Variants in CNTN1 observed in about 807,000 individuals in gnomAD.
The protein encoded by CNTN1 is contactin 1.
CNTN1 carries 38 observed loss-of-function variants against 126.4 expected under a neutral mutation model. That is an observed-to-expected ratio of 0.30 (90% confidence interval 0.23 to 0.39). The LOEUF is 0.39. Among genes scored for constraint, CNTN1 ranks in the 10% least tolerant of loss-of-function variants. The probability of loss-of-function intolerance (pLI) is 1.00; values close to 1 mark genes in which losing one functional copy is unlikely to be tolerated. For missense variants in CNTN1, 1,009 were observed against 1,248.4 expected (o/e 0.81, Z 2.89); for synonymous variants, 413 against 422.6 (o/e 0.98, Z 0.28).
intron 1 of CNTN1, among the ~76,000 whole-genome samples, chr12:40,726,305 G>C (rs1468895418): frequency 5.3e-5 from 8 of 152,146 alleles, no homozygotes. Context: ...GGATGTATTA[G>C]TTCATTCTCA....
intron 1 of CNTN1, among the ~76,000 whole-genome samples, chr12:40,807,585 TAGA>T (rs988704508): frequency 3.5e-4 from 53 of 152,182 alleles, no homozygotes; most frequent in Non-Finnish European, 1.0e-4. Flanking sequence ...GTAGAGTGAT[TAGA>T]AGATCTTAGT....
At position 40,929,905 on chromosome 12, in the gene CNTN1, G is replaced by T; in HGVS notation, c.606G>T (p.Glu202Asp). The change falls in exon 7 of 24, where the codon GAG becomes GAT. Residue 202 changes from glutamate (E) to aspartate (D), a missense_variant. Transcript: ENST00000551295. Reference protein sequence around the residue: ...TNGNLYIANVEASDKGNYSCF... With the variant: ...TNGNLYIANVDASDKGNYSCF... ...GCAATCTCTACATTGCAAATGTTGA[G>T]GCTTCCGACAAAGGCAATTATTCCT... The T allele has an allele frequency of 2.5e-6, 4 of 1,612,972 alleles. No homozygotes were observed. The highest frequency in any genetic ancestry group is 3.4e-6 in the Non-Finnish European group (4 of 1,179,178).
chr12:40,725,429 G>GAAAAA (rs60290681), intron 1 of CNTN1, among the ~76,000 whole-genome samples: 1 of 128,386 alleles, frequency 7.8e-6, no homozygotes, highest in African/African-American at 2.9e-5. Context: ...AAAAAGGAAA[G>GAAAAA]AAAAAAAAAG....
chr12:40,877,446 C>T (rs536632819), intron 1 of CNTN1, among the ~76,000 whole-genome samples: 7 of 152,202 alleles, frequency 4.6e-5, no homozygotes, highest in Admixed American at 2.0e-4. Context: ...TTCATATAAC[C>T]CAGTTTTCTG....
At chr12:41,018,708 G>C (rs1403708775) in intron 19 of CNTN1, among the ~76,000 whole-genome samples, 2 of 151,466 alleles carry the variant, frequency 1.3e-5, no homozygotes, top group Non-Finnish European at 2.9e-5. Flanking sequence ...GTGTGTGTGT[G>C]TGTGTATGTG....
chr12:40,953,093 C>G (rs1311557386), intron 14 of CNTN1, among the ~76,000 whole-genome samples: 1 of 152,000 alleles, frequency 6.6e-6, no homozygotes, highest in Non-Finnish European at 1.5e-5. Context: ...ATTTACATTG[C>G]AGAAATGATT....
intron 18 of CNTN1, among the ~76,000 whole-genome samples, chr12:41,014,621 C>T (rs1309999476): frequency 2.0e-5 from 3 of 152,246 alleles, no homozygotes; most frequent in South Asian, 4.1e-4. Flanking sequence ...TGTCTCTGGA[C>T]ATTCTAAATT....
chr12:40,744,984 GCAATGTATAATCTGCTTCATT>G (rs1938121146), intron 1 of CNTN1, among the ~76,000 whole-genome samples: 1 of 152,058 alleles, frequency 6.6e-6, no homozygotes, highest in African/African-American at 2.4e-5. Context: ...TTGGACTGTA[GCAATGTATAATCTGCTTCATT>G]CACTTAATAT....
chr12:40,696,593 A>G (rs1478303543), intron 1 of CNTN1, among the ~76,000 whole-genome samples: 1 of 152,180 alleles, frequency 6.6e-6, no homozygotes, highest in Non-Finnish European at 1.5e-5. Context: ...AAAAGCACTG[A>G]TTTTGGAGCA....
intron 1 of CNTN1, among the ~76,000 whole-genome samples, chr12:40,837,626 G>A (rs1942110912): frequency 6.6e-6 from 1 of 152,196 alleles, no homozygotes; most frequent in Admixed American, 6.5e-5. Context: ...CAGGCTTTCT[G>A]TTGTCCTGGG....
intron 9 of CNTN1, among the ~76,000 whole-genome samples, chr12:40,935,588 TTG>T (rs1467853318): frequency 6.6e-6 from 1 of 152,132 alleles, no homozygotes; most frequent in East Asian, 1.9e-4. Context: ...AATGTCTGTG[TTG>T]TCTTTGTGAG....
chr12:41,033,593 A>T (rs1949192014), intron 23 of CNTN1, among the ~76,000 whole-genome samples: 1 of 152,188 alleles, frequency 6.6e-6, no homozygotes, highest in Admixed American at 6.5e-5. Flanking sequence ...ACGGAAAAGA[A>T]GTAGTCATTT....
At chr12:40,821,361 G>C (rs368155568) in intron 1 of CNTN1, among the ~76,000 whole-genome samples, 25 of 152,250 alleles carry the variant, frequency 1.6e-4, no homozygotes, top group African/African-American at 5.8e-4. Flanking sequence ...TCCTCCAGGA[G>C]CATTTAGTCA....
At chr12:40,723,674 A>T (rs1233956464) in intron 1 of CNTN1, among the ~76,000 whole-genome samples, 1 of 152,158 alleles carries the variant, frequency 6.6e-6, no homozygotes, top group Non-Finnish European at 1.5e-5. Context: ...CCCTATTAGG[A>T]TTGTACCACA....
At chr12:40,891,347 C>T (rs1465445274) in intron 1 of CNTN1, among the ~76,000 whole-genome samples, 1 of 152,068 alleles carries the variant, frequency 6.6e-6, no homozygotes, top group Non-Finnish European at 1.5e-5. Context: ...TTTTGCAGAG[C>T]AGGAATTTTA....
At chr12:40,996,796 G>T in intron 17 of CNTN1, among the ~76,000 whole-genome samples, 1 of 152,004 alleles carries the variant, frequency 6.6e-6, no homozygotes, top group South Asian at 2.1e-4. Context: ...TATTAAAATT[G>T]AATATGCATC....
At chr12:40,826,462 T>C (rs1402199292) in intron 1 of CNTN1, among the ~76,000 whole-genome samples, 2 of 152,170 alleles carry the variant, frequency 1.3e-5, no homozygotes, top group East Asian at 1.9e-4. Flanking sequence ...GAACAAAACA[T>C]TGTGGCACAT....
At chr12:40,912,148 A>C (rs952599509) in intron 3 of CNTN1, among the ~76,000 whole-genome samples, 1 of 152,240 alleles carries the variant, frequency 6.6e-6, no homozygotes, top group African/African-American at 2.4e-5. Flanking sequence ...TTTGAAAAAC[A>C]AAGTACATAA....
intron 1 of CNTN1, among the ~76,000 whole-genome samples, chr12:40,830,914 G>T (rs1463347339): frequency 1.1e-5 from 1 of 94,346 alleles, no homozygotes; most frequent in Non-Finnish European, 2.1e-5. Context: ...ATAATCCTAA[G>T]TGGTAGTTAC....
Sources: allele counts gnomAD v4.1 joint callset (sites outside exome capture counted in the v4.1 genomes callset), GRCh38; gene constraint gnomAD v4.1.1; transcripts MANE v1.5; gene names NCBI Gene and HGNC (gene_info 2026-07-23, HGNC 2026-07-21).